Variants in CSMD1 observed in about 807,000 individuals in gnomAD.
CSMD1 encodes CUB and Sushi multiple domains 1.
In CSMD1, 213 loss-of-function variants were observed where a neutral mutation model predicts 417.5. The observed-to-expected ratio is 0.51, with a 90% confidence interval of 0.46 to 0.57. CSMD1 has a LOEUF of 0.57. Ranked by LOEUF, CSMD1 falls within the 20% of genes least tolerant of loss-of-function variation. The pLI, the probability that CSMD1 is intolerant of heterozygous loss-of-function variation, is 0.00. For synonymous variants in CSMD1, 2,862 were observed against 1,736.8 expected (o/e 1.65, Z -16.11); for missense variants, 6,923 against 4,529.7 (o/e 1.53, Z -15.17).
intron 2 of CSMD1, among the ~76,000 whole-genome samples, chr8:4,634,707 T>C (rs1443861929): frequency 1.3e-5 from 2 of 152,172 alleles, no homozygotes; most frequent in African/African-American, 4.8e-5. Flanking sequence ...CGAATAGCAT[T>C]AGAGTGCTCC....
chr8:3,838,508 TATA>T (rs1212420120), intron 5 of CSMD1, among the ~76,000 whole-genome samples: 12 of 137,544 alleles, frequency 8.7e-5, no homozygotes, highest in African/African-American at 3.3e-4. Flanking sequence ...CTAGGCTATA[TATA>T]ATATAATATA....
At chr8:3,952,110 G>A (rs193190525) in intron 5 of CSMD1, among the ~76,000 whole-genome samples, 52 of 152,214 alleles carry the variant, frequency 3.4e-4, no homozygotes, top group Middle Eastern at 3.4e-3. Flanking sequence ...CCGACAGAAA[G>A]AACAAATTAT....
At chr8:4,391,202 G>T (rs544655345) in intron 3 of CSMD1, among the ~76,000 whole-genome samples, 2 of 152,246 alleles carry the variant, frequency 1.3e-5, no homozygotes, top group Admixed American at 6.5e-5. Flanking sequence ...CTGAAAAGTT[G>T]CATTTCATGC....
chr8:4,290,750 C>T (rs866829077), intron 3 of CSMD1, among the ~76,000 whole-genome samples: 1 of 152,170 alleles, frequency 6.6e-6, no homozygotes, highest in Non-Finnish European at 1.5e-5. Context: ...TCTGTAGTTT[C>T]ATTTAGGATT....
In CSMD1 at chr8:4,348,314, G is replaced by T. The variant is rs182327145; in HGVS notation, c.415+71639C>A. Among the ~76,000 whole-genome samples, 10 of 152,142 alleles carry T rather than the reference G, an allele frequency of 6.6e-5. No homozygotes were observed. In the South Asian group the frequency reaches 1.7e-3, roughly 25 times the overall value. ...AAAGGCATGTTCTGTGGATGCCTTT[G>T]TAAGAGTGTGAGGCCACAGCAGCGA... On this transcript the variant is annotated intron_variant, in intron 3 of 69. Coordinates refer to ENST00000635120, the MANE Select transcript of CSMD1 (RefSeq NM_033225.6).
At chr8:3,295,702 C>G (rs763230630) in intron 25 of CSMD1, among the ~76,000 whole-genome samples, 2 of 152,068 alleles carry the variant, frequency 1.3e-5, no homozygotes, top group African/African-American at 4.8e-5. Flanking sequence ...ATGTATTGCC[C>G]TTGTTTTATT....
At position 3,296,163 on chromosome 8, in the gene CSMD1, G is replaced by T. The variant is rs149106541; in HGVS notation, c.3950+11532C>A. Among the ~76,000 whole-genome samples the T allele has an allele frequency of 1.5e-3, 232 of 152,120 alleles. 2 individuals are homozygous for T. In the East Asian group the frequency reaches 0.03, roughly 19 times the overall value. The stretch of plus-strand genomic sequence containing the variant: ...ATACTAATTCTTAGGGGAGGAAGGG[G>T]AAGCCTGAAGTATTAAATGGGGTGG... On this transcript the variant is annotated intron_variant, in intron 25 of 69. Transcript: ENST00000635120.
At chr8:4,204,325 T>C (rs966595642) in intron 3 of CSMD1, among the ~76,000 whole-genome samples, 10 of 152,168 alleles carry the variant, frequency 6.6e-5, no homozygotes, top group Non-Finnish European at 1.5e-4. Flanking sequence ...AGAATAGTTT[T>C]TTAAAAATGT....
chr8:4,469,253 G>C (rs1307517821), intron 2 of CSMD1, among the ~76,000 whole-genome samples: 2 of 152,136 alleles, frequency 1.3e-5, no homozygotes, highest in African/African-American at 4.8e-5. Context: ...GGAGCTCAGG[G>C]GTCAGGCTGC....
In CSMD1 at chr8:4,101,433, C is replaced by G. The variant is rs535327201; in HGVS notation, c.416-69334G>C. Among the ~76,000 whole-genome samples the G allele has an allele frequency of 5.9e-5, 9 of 152,288 alleles. No homozygotes were observed. The South Asian group carries it at 1.9e-3, about 32-fold the overall frequency. On this transcript the variant is annotated intron_variant, in intron 3 of 69. Coordinates refer to ENST00000635120, the MANE Select transcript of CSMD1 (RefSeq NM_033225.6). ...CAGGTGAATATTTTCATTGGCTGCA[C>G]AGTTACCCTTGTGCTCTGACACTGT...
intron 6 of CSMD1, among the ~76,000 whole-genome samples, chr8:3,739,828 C>G (rs1303151852): frequency 6.6e-6 from 1 of 152,050 alleles, no homozygotes; most frequent in Non-Finnish European, 1.5e-5. Context: ...ACAAAGAATG[C>G]AGACATTTTA....
chr8:3,235,691 G>A (rs1799108258), intron 26 of CSMD1, among the ~76,000 whole-genome samples: 1 of 152,100 alleles, frequency 6.6e-6, no homozygotes, highest in South Asian at 2.1e-4. Flanking sequence ...TAGAAACAGT[G>A]CCTTGCACTA....
At chr8:4,611,020 T>C (rs2725047) in intron 2 of CSMD1, among the ~76,000 whole-genome samples, 31,751 of 152,128 alleles carry the variant, frequency 0.21, 3,481 homozygotes, top group Non-Finnish European at 0.22. Context: ...CTTAGAAATG[T>C]AACTACCATT....
chr8:2,950,324 C>T lies in CSMD1; in HGVS notation c.10221G>A (p.Glu3407=), dbSNP rs781379644. The T allele has an allele frequency of 5.0e-6, 8 of 1,612,228 alleles. No individual in the cohort carries two copies. The African/African-American group carries it at 1.1e-4, about 22-fold the overall frequency. ...GAAAAGCTTTCAGGAGTAAGTGGGC[C>T]TCCTCCTTCTTGTAAATGCCTGTGA... The part of the protein sequence containing the change: ...LKLTGIYKKE[E]AHLLLKAFQI... Residue 3407 remains glutamate, a synonymous_variant, in exon 67 of 70, where the codon GAG becomes GAA. Transcript: ENST00000635120.
chr8:3,326,298 A>G (rs1390350292), intron 23 of CSMD1, among the ~76,000 whole-genome samples: 3 of 152,240 alleles, frequency 2.0e-5, no homozygotes, highest in East Asian at 1.9e-4. Flanking sequence ...CATTGAGTAC[A>G]TCAATTAAGC....
chr8:4,340,244 C>G (rs1478545866), intron 3 of CSMD1, among the ~76,000 whole-genome samples: 1 of 152,028 alleles, frequency 6.6e-6, no homozygotes, highest in Non-Finnish European at 1.5e-5. Flanking sequence ...CTTTTCCTCT[C>G]ACTGAAGCCT....
chr8:4,349,947 A>G (rs571032728), intron 3 of CSMD1, among the ~76,000 whole-genome samples: 4 of 152,270 alleles, frequency 2.6e-5, no homozygotes, highest in East Asian at 3.9e-4. Flanking sequence ...AAACTTTAAC[A>G]AAACAAATGT....
intron 2 of CSMD1, among the ~76,000 whole-genome samples, chr8:4,514,353 G>A (rs1024956356): frequency 6.6e-6 from 1 of 152,092 alleles, no homozygotes; most frequent in Admixed American, 6.6e-5. Flanking sequence ...CTATACTGCA[G>A]ATCAGAAGTA....
intron 1 of CSMD1, among the ~76,000 whole-genome samples, chr8:4,853,629 A>G (rs1270946007): frequency 6.6e-6 from 1 of 152,182 alleles, no homozygotes; most frequent in African/African-American, 2.4e-5. Flanking sequence ...TGGCATTGGA[A>G]CCCCATGGAA....
Sources: allele counts gnomAD v4.1 joint callset (sites outside exome capture counted in the v4.1 genomes callset), GRCh38; gene constraint gnomAD v4.1.1; transcripts MANE v1.5; gene names NCBI Gene and HGNC (gene_info 2026-07-23, HGNC 2026-07-21).